FARS2: variants seen among roughly 807,000 people sequenced by gnomAD.
The protein encoded by FARS2 is phenylalanine--tRNA ligase, mitochondrial.
Under a neutral mutation model 46.4 loss-of-function variants are expected in FARS2, and 40 were observed. The ratio of observed to expected loss-of-function variants is 0.86; its 90% CI spans 0.67 to 1.12. The LOEUF (loss-of-function observed/expected upper bound fraction) is 1.12. FARS2 is among the 50% of genes most tolerant of loss of function. FARS2 has a pLI of 0.00. For synonymous variants in FARS2, 234 were observed against 214.9 expected (o/e 1.09, Z -0.78); for missense variants, 513 against 567.9 (o/e 0.90, Z 0.98).
At chr6:5,574,200 C>T (rs904013467) in intron 5 of FARS2, among the ~76,000 whole-genome samples, 5 of 152,050 alleles carry the variant, frequency 3.3e-5, no homozygotes, top group African/African-American at 7.2e-5. Context: ...GGTGCGATCT[C>T]GGCTCACTGC....
chr6:5,671,324 T>C (rs751544161), intron 6 of FARS2, among the ~76,000 whole-genome samples: 2 of 152,234 alleles, frequency 1.3e-5, no homozygotes, highest in Admixed American at 6.5e-5. Flanking sequence ...CTGCTCTTCC[T>C]GTCCCCAGAG....
chr6:5,669,627 A>C (rs1166636777), intron 6 of FARS2, among the ~76,000 whole-genome samples: 1 of 152,116 alleles, frequency 6.6e-6, no homozygotes, highest in Non-Finnish European at 1.5e-5. Context: ...GCAGTGTATT[A>C]GGAGAGGGCT....
intron 2 of FARS2, among the ~76,000 whole-genome samples, chr6:5,399,747 C>T (rs1039931926): frequency 6.6e-6 from 1 of 152,056 alleles, no homozygotes; most frequent in African/African-American, 2.4e-5. Flanking sequence ...TTGCACTTTG[C>T]CTTTTTTATT....
chr6:5,744,220 G>A (rs1047145883), intron 6 of FARS2, among the ~76,000 whole-genome samples: 3 of 152,208 alleles, frequency 2.0e-5, no homozygotes, highest in Non-Finnish European at 4.4e-5. Context: ...CTGCCACAAA[G>A]AGGACAGCAG....
chr6:5,260,609 T>TG, upstream of FARS2: 22 of 594,148 alleles, frequency 3.7e-5, no homozygotes, highest in Admixed American at 1.8e-4. Flanking sequence ...CCCCGGCCCC[T>TG]GGCCCCCCGC....
chr6:5,329,387 A>G (rs937345952), intron 1 of FARS2, among the ~76,000 whole-genome samples: 20 of 152,332 alleles, frequency 1.3e-4, no homozygotes, highest in African/African-American at 4.6e-4. Flanking sequence ...TTGCCGTGGC[A>G]TGGTTGATGT....
chr6:5,254,946 T>G, the FARS2 span, among the ~76,000 whole-genome samples: 1 of 152,158 alleles, frequency 6.6e-6, no homozygotes, highest in Non-Finnish European at 1.5e-5. Flanking sequence ...TTCTGATTCA[T>G]GTCTCAACCC....
chr6:5,433,328 T>G (rs1391401069), intron 4 of FARS2, among the ~76,000 whole-genome samples: 1 of 152,200 alleles, frequency 6.6e-6, no homozygotes. Context: ...CAGCAAGCAT[T>G]CAGTAAAAAT....
intron 1 of FARS2, among the ~76,000 whole-genome samples, chr6:5,286,251 A>C (rs1326333277): frequency 6.6e-6 from 1 of 152,072 alleles, no homozygotes; most frequent in African/African-American, 2.4e-5. Flanking sequence ...GGTGCTTATC[A>C]TAAGGGCACT....
chr6:5,345,763 A>G (rs1335789804), intron 1 of FARS2, among the ~76,000 whole-genome samples: 1 of 152,214 alleles, frequency 6.6e-6, no homozygotes, highest in Non-Finnish European at 1.5e-5. Flanking sequence ...TTCCATTTGT[A>G]TTAATTATCT....
At chr6:5,566,605 A>C (rs1313896916) in intron 5 of FARS2, among the ~76,000 whole-genome samples, 3 of 152,190 alleles carry the variant, frequency 2.0e-5, no homozygotes, top group Non-Finnish European at 4.4e-5. Flanking sequence ...CACAAAATGG[A>C]GAAAAATAAT....
chr6:5,712,554 A>G (rs1417908431), intron 6 of FARS2, among the ~76,000 whole-genome samples: 7 of 152,354 alleles, frequency 4.6e-5, no homozygotes, highest in South Asian at 2.1e-4. Context: ...TCGGAAATGT[A>G]GACAGTTCCT....
chr6:5,279,194 G>A (rs369319822), intron 1 of FARS2, among the ~76,000 whole-genome samples: 14 of 151,914 alleles, frequency 9.2e-5, no homozygotes, highest in African/African-American at 2.9e-4. Flanking sequence ...TGGCTAACAC[G>A]GTGAAACCCC....
intron 1 of FARS2, among the ~76,000 whole-genome samples, chr6:5,347,979 T>C (rs1030299548): frequency 1.3e-5 from 2 of 152,216 alleles, no homozygotes; most frequent in African/African-American, 4.8e-5. Context: ...TTTTGTATCT[T>C]CTCTGGTGAA....
intron 4 of FARS2, among the ~76,000 whole-genome samples, chr6:5,504,891 T>G (rs1222463686): frequency 6.6e-6 from 1 of 152,166 alleles, no homozygotes; most frequent in Non-Finnish European, 1.5e-5. Flanking sequence ...AGTGGCACAA[T>G]CTCGGCTCAC....
intron 6 of FARS2, among the ~76,000 whole-genome samples, chr6:5,739,313 T>A (rs963126594): frequency 7.1e-6 from 1 of 141,470 alleles, no homozygotes; most frequent in African/African-American, 2.7e-5. Context: ...TTGGGCAACA[T>A]AGTGAGACCC....
intron 2 of FARS2, among the ~76,000 whole-genome samples, chr6:5,388,008 A>G (rs536337007): frequency 1.3e-5 from 2 of 152,214 alleles, no homozygotes; most frequent in African/African-American, 2.4e-5. Flanking sequence ...TTATATTAGC[A>G]TGGTACATTT....
chr6:5,529,748 C>A (rs1315108520), intron 4 of FARS2, among the ~76,000 whole-genome samples: 1 of 152,220 alleles, frequency 6.6e-6, no homozygotes, highest in Non-Finnish European at 1.5e-5. Context: ...CCTCTTGAAT[C>A]TGACTTGGCT....
At chr6:5,495,359 C>T (rs985921827) in intron 4 of FARS2, among the ~76,000 whole-genome samples, 2 of 152,118 alleles carry the variant, frequency 1.3e-5, no homozygotes, top group Non-Finnish European at 2.9e-5. Context: ...CTCTGTTATT[C>T]TCTCCCCTTG....
Sources: allele counts gnomAD v4.1 joint callset (sites outside exome capture counted in the v4.1 genomes callset), GRCh38; gene constraint gnomAD v4.1.1; transcripts MANE v1.5; gene names NCBI Gene and HGNC (gene_info 2026-07-23, HGNC 2026-07-21).